Variants in PTPRZ1 observed in about 807,000 individuals in gnomAD.
The protein encoded by PTPRZ1 is receptor-type tyrosine-protein phosphatase zeta.
In PTPRZ1, 82 loss-of-function variants were observed where a neutral mutation model predicts 214.1. The ratio of observed to expected loss-of-function variants is 0.38; its 90% CI spans 0.32 to 0.46. The LOEUF (loss-of-function observed/expected upper bound fraction) is 0.46. Among genes scored for constraint, PTPRZ1 ranks in the 20% least tolerant of loss-of-function variants. PTPRZ1 has a pLI of 1.00. For missense variants in PTPRZ1, 2,603 were observed against 2,748.7 expected (o/e 0.95, Z 1.19); for synonymous variants, 945 against 987.9 (o/e 0.96, Z 0.81).
intron 23 of PTPRZ1, among the ~76,000 whole-genome samples, chr7:122,048,904 A>G (rs902190571): frequency 3.9e-5 from 6 of 152,158 alleles, no homozygotes; most frequent in African/African-American, 1.4e-4. Context: ...TGATACCAAA[A>G]CTGAACAAAG....
In PTPRZ1 at chr7:122,010,985, T is replaced by C. The variant is rs1158756315; in HGVS notation, c.1939T>C (p.Ser647Pro). 15 of 1,614,100 alleles carry C rather than the reference T, an allele frequency of 9.3e-6. No homozygotes were observed. Among genetic ancestry groups the C allele is most frequent in the Non-Finnish European group, 1.2e-5 (14 of 1,180,010 alleles). The change falls in exon 12 of 30, where the codon TCT (serine) becomes CCT (proline). Residue 647 changes from serine to proline, a missense_variant. Ser to Pro is a moderately conservative substitution (Grantham distance 74). Around this residue, in one of 6 missense-constraint regions of PTPRZ1, gnomAD observed 1,913 missense variants for 1,914.3 expected, o/e 1.00. Transcript: ENST00000393386. ...SGSEESLKDPSMEGNVWFPSS... is the reference protein window; with the variant it reads ...SGSEESLKDPPMEGNVWFPSS... ...TTCAGAAGAATCACTAAAGGATCCT[T>C]CTATGGAGGGAAATGTGTGGTTTCC... is the stretch of plus-strand genomic sequence containing the variant.
At chr7:121,909,826 G>C (rs1012914490) in intron 1 of PTPRZ1, among the ~76,000 whole-genome samples, 1 of 152,188 alleles carries the variant, frequency 6.6e-6, no homozygotes, top group Admixed American at 6.5e-5. Flanking sequence ...TTACAGAAGA[G>C]ATAGCTGAAA....
rs141634551 is a variant in PTPRZ1, at chr7:121,968,327, A to G, written c.304+197A>G. Among the ~76,000 whole-genome samples the G allele has an allele frequency of 3.4e-3, 517 of 152,278 alleles. 2 individuals are homozygous for G. The highest frequency in any genetic ancestry group is 0.012 in the African/African-American group (495 of 41,578). On this transcript the variant is annotated intron_variant, in intron 3 of 29. Transcript: ENST00000393386. The stretch of plus-strand genomic sequence containing the variant: ...AATTTGTACAAAAAAAAAATGACCA[A>G]TGTCATCATGTCATGTTTTCCTACA...
chr7:122,036,526 T>C, intron 17 of PTPRZ1, 74 bp from the exon 18 acceptor site: 1 of 983,048 alleles, frequency 1.0e-6, no homozygotes. Context: ...AATAAATTAT[T>C]ATGCAAATAT....
At position 122,058,891 on chromosome 7, in the gene PTPRZ1, T is replaced by A. The variant is rs191725137; in HGVS notation, c.6620T>A (p.Val2207Asp). The A allele has an allele frequency of 3.3e-5, 53 of 1,593,044 alleles. No homozygotes were observed. Among genetic ancestry groups the A allele is most frequent in the Non-Finnish European group, 4.3e-6 (5 of 1,161,120 alleles). ...PISKTFELIS[V>D]IKEEAANRDG... Reference sequence around the variant, plus strand: ...AGTAAAACTTTTGAACTTATAAGTGTTATAAAAGAAGAAGCTGCCAATAGG... The same window carrying A: ...AGTAAAACTTTTGAACTTATAAGTGATATAAAAGAAGAAGCTGCCAATAGG... The change falls in exon 28 of 30, where the codon GTT (valine) becomes GAT (aspartate). Residue 2207 changes from valine to aspartate, a missense_variant. By Grantham distance (152) the Val-to-Asp change is radical. Transcript: ENST00000393386.
At chr7:121,970,040 G>C (rs1797186779) in intron 3 of PTPRZ1, among the ~76,000 whole-genome samples, 1 of 147,250 alleles carries the variant, frequency 6.8e-6, no homozygotes, top group African/African-American at 2.5e-5. Flanking sequence ...CTATGAGTGA[G>C]AACATGCGGT....
rs756244648 is a variant in PTPRZ1 at position 122,061,251 on chromosome 7, A to T, written c.*31A>T. On this transcript the variant is annotated 3_prime_UTR_variant, in exon 30 of 30. Transcript: ENST00000393386. Reference sequence around the variant, plus strand: ...AAAGGGGTGGGGGAACTCACATCTGAGCATTGTTTTCCTCTTCCTAAAATT... The same window carrying T: ...AAAGGGGTGGGGGAACTCACATCTGTGCATTGTTTTCCTCTTCCTAAAATT... 1 of 1,515,122 alleles carries T rather than the reference A, an allele frequency of 6.6e-7. No individual in the cohort carries two copies. The highest frequency in any genetic ancestry group is 2.0e-5 in the Admixed American group (1 of 50,720). The allele number at this position is 1,515,122 out of a possible 1,614,324, so 93.9% of individuals were successfully genotyped here.
chr7:121,904,647 T>C (rs1031481577), intron 1 of PTPRZ1, among the ~76,000 whole-genome samples: 8 of 152,204 alleles, frequency 5.3e-5, no homozygotes, highest in Admixed American at 3.9e-4. Flanking sequence ...GTTATGGACC[T>C]TATAATCAGA....
intron 15 of PTPRZ1, among the ~76,000 whole-genome samples, chr7:122,032,733 T>C (rs1426418804): frequency 1.3e-5 from 2 of 152,288 alleles, no homozygotes; most frequent in Non-Finnish European, 1.5e-5. Flanking sequence ...GTATGATATG[T>C]TTTTACTAAT....
intron 23 of PTPRZ1, among the ~76,000 whole-genome samples, chr7:122,048,954 T>C (rs1792084764): frequency 6.6e-6 from 1 of 152,134 alleles, no homozygotes; most frequent in African/African-American, 2.4e-5. Flanking sequence ...AATAATCTTA[T>C]TTAAAATATC....
intron 1 of PTPRZ1, among the ~76,000 whole-genome samples, chr7:121,924,407 G>A (rs1795694467): frequency 6.6e-6 from 1 of 152,002 alleles, no homozygotes; most frequent in Non-Finnish European, 1.5e-5. Flanking sequence ...TTAAAGTGGG[G>A]TACTCTCTCA....
chr7:122,013,518 C>T lies in PTPRZ1; in HGVS notation c.4472C>T (p.Ser1491Phe). 4 of 1,614,126 alleles carry T rather than the reference C, an allele frequency of 2.5e-6. No homozygotes were observed. The highest frequency in any genetic ancestry group is 3.4e-6 in the Non-Finnish European group (4 of 1,180,016). ...SEEDNRVTSV[S>F]SDSQTGMDRS... ...GAAGATAATAGAGTCACAAGTGTAT[C>T]CTCAGACAGTCAAACTGGTATGGAC... The change falls in exon 12 of 30, where the codon TCC becomes TTC. Residue 1491 changes from serine (S) to phenylalanine (F), a missense_variant. This residue lies in a region of PTPRZ1 where 1,913 missense variants were observed against 1,914.3 expected (regional missense o/e 1.00). Coordinates refer to ENST00000393386, the MANE Select transcript of PTPRZ1 (RefSeq NM_002851.3).
intron 8 of PTPRZ1, among the ~76,000 whole-genome samples, chr7:121,988,666 C>T (rs1009251667): frequency 1.3e-5 from 2 of 152,108 alleles, no homozygotes; most frequent in African/African-American, 4.8e-5. Flanking sequence ...GTAGTAAGAG[C>T]CCTTTGATTC....
At position 122,039,471 on chromosome 7, in the gene PTPRZ1, C is replaced by T. The variant is rs1799649301; in HGVS notation, c.5520C>T (p.Tyr1840=). ...VEKGRRKCDQ[Y]WPADGSEEYG... Reference sequence around the variant, plus strand: ...TTTTGCAGAGAAAATGTGATCAGTACTGGCCTGCCGATGGGAGTGAGGAGT... The same window carrying T: ...TTTTGCAGAGAAAATGTGATCAGTATTGGCCTGCCGATGGGAGTGAGGAGT... The change falls in exon 20 of 30, where the codon TAC becomes TAT. Residue 1840 remains tyrosine, a synonymous_variant. Transcript: ENST00000393386. 6.2e-7 allele frequency: 1 copy of T among 1,613,838 alleles called. No individual in the cohort carries two copies. The highest frequency in any genetic ancestry group is 1.3e-5 in the African/African-American group (1 of 74,894).
intron 13 of PTPRZ1, among the ~76,000 whole-genome samples, chr7:122,024,129 T>C (rs576961075): frequency 2.0e-5 from 3 of 152,044 alleles, no homozygotes; most frequent in African/African-American, 7.2e-5. Flanking sequence ...TTGTCATACA[T>C]TAAATAATAT....
Position 122,018,317 on chromosome 7 carries a change from A to G in PTPRZ1, c.4844-807A>G, listed in dbSNP as rs73440939. ...CTGTTCTGAAACTCTTTTTTTAACA[A>G]CTTGGAAGGTAATCTCTAGTTAAAG... On this transcript the variant is annotated intron_variant, in intron 12 of 29. Transcript: ENST00000393386. Among the ~76,000 whole-genome samples the G allele has an allele frequency of 3.9e-3, 595 of 152,296 alleles. 4 individuals carry two copies. The highest frequency in any genetic ancestry group is 0.014 in the African/African-American group (566 of 41,564).
At chr7:121,902,510 C>A (rs1030993458) in intron 1 of PTPRZ1, among the ~76,000 whole-genome samples, 1 of 152,072 alleles carries the variant, frequency 6.6e-6, no homozygotes, top group Admixed American at 6.6e-5. Flanking sequence ...TTCTTTATAT[C>A]CTCACCAGCA....
chr7:122,041,577 T>C (rs1249549460), intron 21 of PTPRZ1, among the ~76,000 whole-genome samples: 1 of 152,240 alleles, frequency 6.6e-6, no homozygotes, highest in African/African-American at 2.4e-5. Context: ...GAAATAATGA[T>C]GTTTCAATGA....
chr7:122,013,798 A>G lies in PTPRZ1; in HGVS notation c.4752A>G (p.Ala1584=), dbSNP rs371012242. The part of the protein sequence containing the change: ...NEKDADGILA[A]GDSEITPGFP... ...AAGATGCTGATGGGATCCTGGCAGC[A>G]GGTGACTCAGAAATAACTCCTGGAT... The change falls in exon 12 of 30, where the codon GCA becomes GCG. Residue 1584 remains alanine (A), a synonymous_variant. Coordinates refer to ENST00000393386, the MANE Select transcript of PTPRZ1 (RefSeq NM_002851.3). 6.2e-7 allele frequency: 1 copy of G among 1,614,046 alleles called. No individual in the cohort carries two copies. The highest frequency in any genetic ancestry group is 1.3e-5 in the African/African-American group (1 of 74,928).
Sources: allele counts gnomAD v4.1 joint callset (sites outside exome capture counted in the v4.1 genomes callset), GRCh38; gene constraint gnomAD v4.1.1; regional missense constraint gnomAD v4.1.1; transcripts MANE v1.5; gene names NCBI Gene and HGNC (gene_info 2026-07-23, HGNC 2026-07-21).